The following CNTN5 variants were observed in gnomAD, a reference collection of about 807,000 sequenced individuals.
The protein encoded by CNTN5 is contactin-5.
Under a neutral mutation model 129.1 loss-of-function variants are expected in CNTN5, and 77 were observed. The ratio of observed to expected loss-of-function variants is 0.60; its 90% CI spans 0.50 to 0.72. CNTN5 has a LOEUF of 0.72. Among genes scored for constraint, CNTN5 ranks in the 30% least tolerant of loss-of-function variants. The probability of loss-of-function intolerance (pLI) is 0.00; values close to 1 mark genes in which losing one functional copy is unlikely to be tolerated. For missense variants in CNTN5, 1,478 were observed against 1,328.8 expected (o/e 1.11, Z -1.75); for synonymous variants, 509 against 465.6 (o/e 1.09, Z -1.20).
chr11:100,144,633 T>A (rs1946793495), intron 13 of CNTN5, among the ~76,000 whole-genome samples: 1 of 152,078 alleles, frequency 6.6e-6, no homozygotes. Flanking sequence ...TTTACTGGAG[T>A]ACCTGTTGCC....
chr11:99,525,552 TGATA>T (rs1947452545), intron 2 of CNTN5, among the ~76,000 whole-genome samples: 2 of 152,312 alleles, frequency 1.3e-5, no homozygotes, highest in Admixed American at 1.3e-4. Context: ...GTAATTAAAA[TGATA>T]GATGGACTTG....
At chr11:99,559,970 A>G (rs1948787829) in intron 3 of CNTN5, among the ~76,000 whole-genome samples, 1 of 152,186 alleles carries the variant, frequency 6.6e-6, no homozygotes, top group East Asian at 1.9e-4. Context: ...TACATGCTAT[A>G]TGATTTTCTT....
chr11:99,695,876 TACTA>T (rs1433941970), intron 3 of CNTN5, among the ~76,000 whole-genome samples: 1 of 152,120 alleles, frequency 6.6e-6, no homozygotes, highest in African/African-American at 2.4e-5. Flanking sequence ...AAATGTCTAT[TACTA>T]ACACTAAAAG....
At chr11:100,299,080 AT>A (rs1349342019) in intron 19 of CNTN5, 81 bp from the exon 20 acceptor site, 31 of 886,752 alleles carry the variant, frequency 3.5e-5, no homozygotes, top group Non-Finnish European at 5.1e-5. Context: ...GCTATCTATA[AT>A]TTTTTTTAAT....
chr11:99,354,774 A>G (rs1261724020), intron 2 of CNTN5, among the ~76,000 whole-genome samples: 1 of 152,134 alleles, frequency 6.6e-6, no homozygotes, highest in Non-Finnish European at 1.5e-5. Context: ...GAAGCAGCAA[A>G]AGTGATTCTT....
chr11:99,163,262 G>A (rs1054783904), intron 1 of CNTN5, among the ~76,000 whole-genome samples: 3 of 151,830 alleles, frequency 2.0e-5, no homozygotes, highest in South Asian at 2.1e-4. Context: ...ATAAATTTAC[G>A]TTGTTTTCTA....
intron 3 of CNTN5, among the ~76,000 whole-genome samples, chr11:99,652,364 C>A (rs1463291067): frequency 1.3e-5 from 2 of 151,966 alleles, no homozygotes. Flanking sequence ...AATAATGACA[C>A]CATCATCTAT....
chr11:99,400,983 C>A (rs1368434907), intron 2 of CNTN5, among the ~76,000 whole-genome samples: 1 of 151,928 alleles, frequency 6.6e-6, no homozygotes, highest in Non-Finnish European at 1.5e-5. Context: ...GTTATTAATC[C>A]TTTGTCAGAT....
At position 99,325,441 on chromosome 11, in the gene CNTN5, T is replaced by C. The variant is rs1274713908; in HGVS notation, c.-114T>C. On this transcript the variant is annotated 5_prime_UTR_variant, in exon 2 of 25. Coordinates refer to ENST00000524871, the MANE Select transcript of CNTN5 (RefSeq NM_014361.4). ...AAAGGATTACTTTACAGATACCAGT[T>C]CCTTTGTCAAGAGCATACTTTGGAC... 1.3e-5 allele frequency: 2 copies of C among 152,158 alleles called. No individual in the cohort carries two copies. Among genetic ancestry groups the C allele is most frequent in the African/African-American group, 4.8e-5 (2 of 41,444 alleles). 9.4% of individuals were successfully genotyped at this position (152,158 alleles called of 1,614,324 possible). A position where few individuals can be genotyped will look rare whatever the true frequency, so the allele number is the denominator to read the frequency against.
At chr11:99,434,647 A>G (rs1943531219) in intron 2 of CNTN5, among the ~76,000 whole-genome samples, 1 of 152,152 alleles carries the variant, frequency 6.6e-6, no homozygotes, top group Non-Finnish European at 1.5e-5. Context: ...TTTAATAATT[A>G]TTACCAATAG....
intron 3 of CNTN5, among the ~76,000 whole-genome samples, chr11:99,692,088 G>T (rs899812231): frequency 1.3e-5 from 2 of 152,008 alleles, no homozygotes; most frequent in Admixed American, 6.6e-5. Context: ...TTTTCCATTT[G>T]CTTGGTAAAT....
chr11:99,454,120 T>C (rs1944408379), intron 2 of CNTN5, among the ~76,000 whole-genome samples: 1 of 152,026 alleles, frequency 6.6e-6, no homozygotes, highest in African/African-American at 2.4e-5. Flanking sequence ...CAAAGAAATG[T>C]CTGAACAATT....
At chr11:100,292,506 T>G (rs1951010945) in intron 18 of CNTN5, among the ~76,000 whole-genome samples, 1 of 151,964 alleles carries the variant, frequency 6.6e-6, no homozygotes, top group Admixed American at 6.6e-5. Flanking sequence ...CTCAAGTAGC[T>G]CAGTATGAAA....
chr11:100,180,131 A>C (rs1042394533), intron 13 of CNTN5, among the ~76,000 whole-genome samples: 2 of 152,056 alleles, frequency 1.3e-5, no homozygotes, highest in African/African-American at 4.8e-5. Flanking sequence ...GCAATATCTC[A>C]TGAGAATCAA....
chr11:99,502,454 G>A (rs1591174117), intron 2 of CNTN5, among the ~76,000 whole-genome samples: 2 of 152,216 alleles, frequency 1.3e-5, no homozygotes, highest in South Asian at 4.1e-4. Flanking sequence ...TCTCATAATA[G>A]TGAGTGAGTT....
intron 2 of CNTN5, among the ~76,000 whole-genome samples, chr11:99,379,830 C>T (rs59817961): frequency 0.076 from 11,586 of 152,100 alleles, 682 homozygotes; most frequent in African/African-American, 0.16. Flanking sequence ...AACAGTTATT[C>T]ATGCCTGTAA....
chr11:99,065,249 C>T (rs559844562), intron 1 of CNTN5, among the ~76,000 whole-genome samples: 2 of 152,214 alleles, frequency 1.3e-5, no homozygotes, highest in South Asian at 4.1e-4. Context: ...GGGAAATATT[C>T]AGATTCACCA....
At chr11:100,269,497 G>A (rs1413260717) in intron 17 of CNTN5, among the ~76,000 whole-genome samples, 1 of 152,156 alleles carries the variant, frequency 6.6e-6, no homozygotes, top group Non-Finnish European at 1.5e-5. Flanking sequence ...ATCCATTAGA[G>A]ATGTGGGAGA....
At chr11:99,206,711 C>G (rs536328374) in intron 1 of CNTN5, among the ~76,000 whole-genome samples, 1 of 152,180 alleles carries the variant, frequency 6.6e-6, no homozygotes, top group South Asian at 2.1e-4. Flanking sequence ...TTTTCTGTGA[C>G]TTGTTGAGTC....
Sources: gnomAD v4.1 joint callset for allele counts (sites outside exome capture counted in the v4.1 genomes callset) on GRCh38, gnomAD v4.1.1 for gene constraint, MANE v1.5 for transcripts, NCBI Gene and HGNC (gene_info 2026-07-23, HGNC 2026-07-21) for gene names.